The following SSH1 variants were observed in gnomAD, a reference collection of about 807,000 sequenced individuals.
SSH1 encodes protein phosphatase Slingshot homolog 1.
SSH1 carries 43 observed loss-of-function variants against 79.7 expected under a neutral mutation model. The observed-to-expected ratio is 0.54, with a 90% confidence interval of 0.42 to 0.70. The LOEUF (loss-of-function observed/expected upper bound fraction) is 0.70. SSH1 is among the 30% of genes least tolerant of loss of function. SSH1 has a pLI of 0.00. For synonymous variants in SSH1, 599 were observed against 538.3 expected, an observed-to-expected ratio of 1.11 and a Z score of -1.56; for missense variants, 1,206 against 1,358.8, an observed-to-expected ratio of 0.89 and a Z score of 1.77.
At chr12:108,797,800 A>T (rs760123244) in intron 13 of SSH1, among the ~76,000 whole-genome samples, 1 of 152,130 alleles carries the variant, frequency 6.6e-6, no homozygotes, top group African/African-American at 2.4e-5. Flanking sequence ...CCATTCTTCA[A>T]TTCGCCCATG....
At chr12:108,789,984 A>G (rs2036434182) in intron 14 of SSH1, among the ~76,000 whole-genome samples, 1 of 151,712 alleles carries the variant, frequency 6.6e-6, no homozygotes, top group South Asian at 2.1e-4. Flanking sequence ...GTGAGCGACT[A>G]CACCCCGCCA....
chr12:108,817,738 T>TAA (rs1431210241), intron 4 of SSH1, among the ~76,000 whole-genome samples: 1 of 152,190 alleles, frequency 6.6e-6, no homozygotes, highest in Non-Finnish European at 1.5e-5. Flanking sequence ...GTATTTAGCT[T>TAA]ATTTAACTGC....
chr12:108,792,248 G>A (rs1019312488), intron 14 of SSH1, 38 bp downstream of exon 14: 1 of 1,614,150 alleles, frequency 6.2e-7, no homozygotes, highest in African/African-American at 1.3e-5. Flanking sequence ...GGATGGAAGG[G>A]ATGGGGTGTG....
Position 108,792,355 on chromosome 12 carries a change from G to C in SSH1, c.1824C>G (p.Leu608=). 1 of 1,614,108 alleles carries C rather than the reference G, an allele frequency of 6.2e-7. No homozygotes were observed. The highest frequency in any genetic ancestry group is 1.3e-5 in the African/African-American group (1 of 75,022). ...AGRWGQLPTQ[L]DQNLLNSENL... ...TCTCCGAGTTGAGCAGGTTTTGATC[G>C]AGCTGGGTTGGAAGCTGCCCCCACC... Residue 608 remains leucine, a synonymous_variant, in exon 14 of 15, where the codon CTC becomes CTG. Transcript: ENST00000326495.
chr12:108,811,617 G>A (rs568472272), intron 5 of SSH1: 2 of 476,514 alleles, frequency 4.2e-6, no homozygotes, highest in Admixed American at 3.3e-5. Flanking sequence ...TGCTGGCGGA[G>A]GCCACATGTG....
chr12:108,792,078 C>A, intron 14 of SSH1: 1 of 1,457,446 alleles, frequency 6.9e-7, no homozygotes, highest in Non-Finnish European at 9.1e-7. Flanking sequence ...ATAAGGTATG[C>A]ACTACGTACC....
intron 13 of SSH1, among the ~76,000 whole-genome samples, chr12:108,793,969 G>A (rs78288600): frequency 0.021 from 3,260 of 152,292 alleles, 111 homozygotes; most frequent in African/African-American, 0.075. Context: ...CACTGAGTGC[G>A]TGGCAGGCTC....
intron 13 of SSH1, among the ~76,000 whole-genome samples, chr12:108,793,317 G>A (rs535645286): frequency 1.3e-5 from 2 of 152,032 alleles, no homozygotes; most frequent in South Asian, 4.2e-4. Context: ...GAAGATCCTG[G>A]AAAACTAGAA....
At chr12:108,827,474 C>A in intron 2 of SSH1, 2 of 1,298,940 alleles carry the variant, frequency 1.5e-6, no homozygotes, top group Non-Finnish European at 2.0e-6. Flanking sequence ...GGGGAGCCAA[C>A]TCCTCCTCAG....
chr12:108,803,448 C>T (rs1225248465), intron 10 of SSH1, among the ~76,000 whole-genome samples: 1 of 150,982 alleles, frequency 6.6e-6, no homozygotes, highest in Non-Finnish European at 1.5e-5. Context: ...AAAGAATCCA[C>T]CTTTGTCTTC....
intron 5 of SSH1, 88 bp from the exon 6 acceptor site, chr12:108,811,416 G>C: frequency 8.5e-7 from 1 of 1,181,266 alleles, no homozygotes; most frequent in Non-Finnish European, 1.3e-6. Flanking sequence ...TCCAGGACGG[G>C]CTGTTGGACG....
intron 13 of SSH1, among the ~76,000 whole-genome samples, chr12:108,794,007 TTCC>T (rs1042646624): frequency 2.0e-5 from 3 of 152,316 alleles, no homozygotes; most frequent in Non-Finnish European, 4.4e-5. Context: ...ATGCTCGCTC[TTCC>T]TCCTCCTCCT....
chr12:108,854,925 G>A (rs907311336), intron 1 of SSH1, among the ~76,000 whole-genome samples: 4 of 152,306 alleles, frequency 2.6e-5, no homozygotes, highest in South Asian at 2.1e-4. Flanking sequence ...ACATCTGAAC[G>A]AGGGCCTTGC....
chr12:108,804,963 T>G, intron 10 of SSH1, 93 bp downstream of exon 10: 1 of 1,543,320 alleles, frequency 6.5e-7, no homozygotes, highest in Non-Finnish European at 8.8e-7. Context: ...GTTTTTTGCC[T>G]GCTTTTTCTC....
In SSH1 at chr12:108,828,860, T is replaced by C. The variant is rs545096955; in HGVS notation, c.111-5499A>G. On this transcript the variant is annotated intron_variant, in intron 2 of 14. Transcript: ENST00000326495. ...TATTATTTACTGAGGATCTCCCATG[T>C]GGCCAAGGCTGTAGGAGGTACTTAG... 1.8e-3 allele frequency among the ~76,000 whole-genome samples: 269 copies of C among 152,348 alleles called. 4 individuals are homozygous for C. The highest frequency in any genetic ancestry group is 5.4e-4 in the Non-Finnish European group (37 of 68,038).
rs1236223162 is a variant in SSH1, at chr12:108,827,373, G to A, written c.111-4012C>T. ...TGGCTGCAGTGCTCACATCTCTAAC[G>A]CTCCCTACAACTGCCCTCCGAGCTC... On this transcript the variant is annotated intron_variant, in intron 2 of 14. Transcript: ENST00000326495. 11 of 1,535,476 alleles carry A rather than the reference G, an allele frequency of 7.2e-6. No individual in the cohort carries two copies. In the East Asian group the frequency reaches 1.5e-4, roughly 21 times the overall value.
chr12:108,786,544 T>C lies in SSH1; in HGVS notation c.*1444A>G, dbSNP rs1475701252. On this transcript the variant is annotated 3_prime_UTR_variant, in exon 15 of 15. Transcript: ENST00000326495. ...CCTCAGGCTTTGTGGGCCACATGAA[T>C]TCTGTCACATATTATTTCTTTTTTT... 1 of 152,206 alleles carries C rather than the reference T, an allele frequency of 6.6e-6. No individual in the cohort carries two copies. The highest frequency in any genetic ancestry group is 2.4e-5 in the African/African-American group (1 of 41,460). The allele number at this position is 152,206 out of a possible 1,614,324, so 9.4% of individuals were successfully genotyped here.
Position 108,788,752 on chromosome 12 carries a change from C to G in SSH1, c.2386G>C (p.Glu796Gln). Residue 796 changes from glutamate (E) to glutamine (Q), a missense_variant, in exon 15 of 15, where the codon GAA (glutamate) becomes CAA (glutamine). Glu to Gln is a conservative substitution (Grantham distance 29, BLOSUM62 2). Transcript: ENST00000326495. ...AKDLRLLFSN[E>Q]SEKPTTNSYL... ...CTGTTGGTTGTCGGCTTCTCAGATT[C>G]ATTACTGAACAGAAGCCTCAGGTCC... The G allele has an allele frequency of 6.2e-7, 1 of 1,614,270 alleles. No homozygotes were observed. Among genetic ancestry groups the G allele is most frequent in the Non-Finnish European group, 8.5e-7 (1 of 1,180,048 alleles).
chr12:108,813,506 G>A (rs148368166), intron 5 of SSH1, among the ~76,000 whole-genome samples: 1 of 151,358 alleles, frequency 6.6e-6, no homozygotes, highest in Non-Finnish European at 1.5e-5. Flanking sequence ...TTGAGCCCAG[G>A]AGTTTGAGAC....
Sources: gnomAD v4.1 joint callset for allele counts (sites outside exome capture counted in the v4.1 genomes callset) on GRCh38, gnomAD v4.1.1 for gene constraint, MANE v1.5 for transcripts, NCBI Gene and HGNC (gene_info 2026-07-23, HGNC 2026-07-21) for gene names.